PLD1: variants seen among roughly 807,000 people sequenced by gnomAD.
PLD1 encodes choline phosphatase 1.
PLD1 carries 112 observed loss-of-function variants against 137.1 expected under a neutral mutation model. The observed-to-expected ratio is 0.82, with a 90% CI of 0.70 to 0.96. The LOEUF (loss-of-function observed/expected upper bound fraction) is 0.96, where lower values mean the gene tolerates loss of function less well. Ranked by LOEUF, PLD1 falls within the 40% of genes least tolerant of loss-of-function variation. The probability of loss-of-function intolerance (pLI) is 0.00; values close to 1 mark genes in which losing one functional copy is unlikely to be tolerated. For synonymous variants in PLD1, 431 were observed against 454.7 expected (o/e 0.95, Z 0.66); for missense variants, 1,321 against 1,342.0 (o/e 0.98, Z 0.24).
At chr3:171,754,189 C>T (rs1720856717) in intron 1 of PLD1, among the ~76,000 whole-genome samples, 1 of 152,156 alleles carries the variant, frequency 6.6e-6, no homozygotes, top group African/African-American at 2.4e-5. Context: ...TCTCTAAATC[C>T]TGAGTCACTG....
intron 23 of PLD1, among the ~76,000 whole-genome samples, chr3:171,635,215 A>G (rs750899566): frequency 6.6e-6 from 1 of 152,170 alleles, no homozygotes; most frequent in African/African-American, 2.4e-5. Context: ...TATTCTGAAT[A>G]ATGCTGCTAT....
intron 1 of PLD1, among the ~76,000 whole-genome samples, chr3:171,805,959 T>C (rs576490255): frequency 6.6e-6 from 1 of 152,320 alleles, no homozygotes; most frequent in East Asian, 1.9e-4. Flanking sequence ...GAGGACCACT[T>C]GAACCCAGAA....
At chr3:171,686,821 T>C (rs1219762535) in intron 15 of PLD1, 23 bp from the exon 16 acceptor site, 1 of 1,108,964 alleles carries the variant, frequency 9.0e-7, no homozygotes. Context: ...AGAATTTTTT[T>C]ACAAAAAAAT....
At chr3:171,680,312 T>G (rs572672793) in intron 16 of PLD1, among the ~76,000 whole-genome samples, 1 of 139,748 alleles carries the variant, frequency 7.2e-6, no homozygotes, top group South Asian at 2.6e-4. Context: ...CTGCAACCTC[T>G]GCCTCCCAGG....
intron 18 of PLD1, among the ~76,000 whole-genome samples, chr3:171,675,258 G>A (rs1304270873): frequency 6.6e-6 from 1 of 152,088 alleles, no homozygotes; most frequent in Non-Finnish European, 1.5e-5. Flanking sequence ...TTATGTTCTA[G>A]ATATCTTGTC....
chr3:171,697,346 G>A (rs1005154095), intron 12 of PLD1, among the ~76,000 whole-genome samples: 2 of 146,074 alleles, frequency 1.4e-5, no homozygotes, highest in Non-Finnish European at 3.0e-5. Flanking sequence ...CCGGGTTCAC[G>A]CCATTCTCCT....
At chr3:171,685,929 G>A (rs1714505403) in intron 16 of PLD1, among the ~76,000 whole-genome samples, 2 of 152,152 alleles carry the variant, frequency 1.3e-5, no homozygotes, top group South Asian at 4.1e-4. Context: ...CACAAGCCTG[G>A]CCAACATGGC....
chr3:171,718,812 T>C (rs1298056012), intron 8 of PLD1, among the ~76,000 whole-genome samples: 1 of 152,212 alleles, frequency 6.6e-6, no homozygotes, highest in Non-Finnish European at 1.5e-5. Flanking sequence ...CAGCAACATC[T>C]AGTTCATAAG....
chr3:171,647,688 A>T (rs1471603508), intron 21 of PLD1, among the ~76,000 whole-genome samples: 1 of 152,088 alleles, frequency 6.6e-6, no homozygotes, highest in African/African-American at 2.4e-5. Flanking sequence ...ACCTCAGGTG[A>T]TCCGCCTCGG....
At chr3:171,794,408 C>T (rs1162473739) in intron 1 of PLD1, among the ~76,000 whole-genome samples, 1 of 152,014 alleles carries the variant, frequency 6.6e-6, no homozygotes, top group East Asian at 1.9e-4. Context: ...GGGGCATATC[C>T]CCCTTGGATG....
chr3:171,746,940 T>A (rs1720253764), intron 1 of PLD1, among the ~76,000 whole-genome samples: 1 of 152,240 alleles, frequency 6.6e-6, no homozygotes, highest in Non-Finnish European at 1.5e-5. Flanking sequence ...GTTTAGGCTT[T>A]GGGTCTGCAC....
intron 1 of PLD1, among the ~76,000 whole-genome samples, chr3:171,747,047 G>C (rs1409301040): frequency 6.6e-6 from 1 of 152,016 alleles, no homozygotes; most frequent in Admixed American, 6.6e-5. Flanking sequence ...AACAACTCCA[G>C]ACGCGCCACT....
At chr3:171,660,879 G>T (rs1030130098) in intron 20 of PLD1, among the ~76,000 whole-genome samples, 1 of 152,094 alleles carries the variant, frequency 6.6e-6, no homozygotes, top group Non-Finnish European at 1.5e-5. Flanking sequence ...AAAGTGCTGG[G>T]ATTACAGGCA....
rs1044020298 is a variant in PLD1 at position 171,674,858 on chromosome 3, A to G, written c.2116-245T>C. On this transcript the variant is annotated intron_variant, in intron 18 of 26. Coordinates refer to ENST00000351298, the MANE Select transcript of PLD1 (RefSeq NM_002662.5). ...GCCAAGCATGGTGGCGGGCGCCTGT[A>G]ATCCCAGCTACTCGGGAGGCTGAGG... 2.6e-5 allele frequency among the ~76,000 whole-genome samples: 4 copies of G among 151,912 alleles called. No homozygotes were observed. The South Asian group carries it at 8.3e-4, about 32-fold the overall frequency.
intron 22 of PLD1, among the ~76,000 whole-genome samples, chr3:171,643,700 A>T (rs964344235): frequency 6.6e-6 from 1 of 151,814 alleles, no homozygotes; most frequent in African/African-American, 2.4e-5. Context: ...TGAAATTGAT[A>T]AAATTCAATT....
chr3:171,664,825 A>G (rs6785259), intron 19 of PLD1, among the ~76,000 whole-genome samples: 70,170 of 151,930 alleles, frequency 0.46, 16,578 homozygotes, highest in African/African-American at 0.55. Flanking sequence ...TTTAAATATC[A>G]TGGAGGTTCA....
rs150649048 is a variant in PLD1 at position 171,659,740 on chromosome 3, C to G, written c.2341-439G>C. On this transcript the variant is annotated intron_variant, in intron 20 of 26. Transcript: ENST00000351298. ...TTTTTTAACAGAGTAGATGGTAAAG[C>G]CTGGTCTAGTTTTCTCCACCCTTTC... 5.8e-3 allele frequency among the ~76,000 whole-genome samples: 886 copies of G among 152,136 alleles called. 5 individuals are homozygous for G. The highest frequency in any genetic ancestry group is 0.021 in the African/African-American group (851 of 41,504).
At chr3:171,705,036 C>A (rs1035076328) in intron 11 of PLD1, among the ~76,000 whole-genome samples, 1 of 152,186 alleles carries the variant, frequency 6.6e-6, no homozygotes, top group Admixed American at 6.5e-5. Context: ...TGCTCATGCT[C>A]GCTACCTCCC....
At chr3:171,620,641 G>T (rs939142467) in intron 23 of PLD1, 121 bp from the exon 24 acceptor site, 3 of 423,404 alleles carry the variant, frequency 7.1e-6, no homozygotes, top group African/African-American at 2.1e-5. Flanking sequence ...TATATTATAT[G>T]TATATGTTTT....
Sources: allele counts gnomAD v4.1 joint callset (sites outside exome capture counted in the v4.1 genomes callset), GRCh38; gene constraint gnomAD v4.1.1; transcripts MANE v1.5; gene names NCBI Gene and HGNC (gene_info 2026-07-23, HGNC 2026-07-21).